Variants in STT3A observed in about 807,000 individuals in gnomAD.
The protein encoded by STT3A is dolichyl-diphosphooligosaccharide--protein glycosyltransferase subunit STT3A.
In STT3A, 34 loss-of-function variants were observed where a neutral mutation model predicts 89.2. The observed-to-expected ratio is 0.38, with a 90% CI of 0.29 to 0.51. The LOEUF (loss-of-function observed/expected upper bound fraction) is 0.51. Ranked by LOEUF, STT3A falls within the 20% of genes least tolerant of loss-of-function variation. STT3A has a pLI of 0.89. For synonymous variants in STT3A, 282 were observed against 310.3 expected, an observed-to-expected ratio of 0.91 and a Z score of 0.96; for missense variants, 555 against 889.5, an observed-to-expected ratio of 0.62 and a Z score of 4.78.
intron 5 of STT3A, chr11:125,603,447 G>A (rs933672879): frequency 6.5e-6 from 1 of 154,984 alleles, no homozygotes; most frequent in Admixed American, 6.4e-5. Context: ...TTGGCTCCCT[G>A]GGTGCTATTC....
intron 8 of STT3A, among the ~76,000 whole-genome samples, 194 bp downstream of exon 8, chr11:125,606,659 C>T (rs529214298): frequency 5.1e-4 from 77 of 152,262 alleles, no homozygotes; most frequent in Non-Finnish European, 1.0e-3. Flanking sequence ...ATATTTGCTC[C>T]GTGGAGTTTG....
chr11:125,592,570 A>C (rs1939333254), upstream of STT3A: 1 of 445,164 alleles, frequency 2.2e-6, no homozygotes, highest in East Asian at 7.0e-5. Flanking sequence ...CCGCAAACCG[A>C]CACGTCACTC....
chr11:125,612,787 G>A, intron 12 of STT3A, 40 bp downstream of exon 12: 2 of 1,602,844 alleles, frequency 1.2e-6, no homozygotes, highest in Non-Finnish European at 8.5e-7. Flanking sequence ...GAAACTCTGT[G>A]TGTGTGTGTG....
chr11:125,606,511 G>A, intron 8 of STT3A, 46 bp downstream of exon 8: 2 of 1,573,562 alleles, frequency 1.3e-6, no homozygotes, highest in Non-Finnish European at 8.6e-7. Context: ...CTTTTTCTAT[G>A]CAGCCCCAAC....
intron 15 of STT3A, among the ~76,000 whole-genome samples, chr11:125,618,060 A>G (rs1940231669): frequency 6.6e-6 from 1 of 152,322 alleles, no homozygotes; most frequent in Non-Finnish European, 1.5e-5. Context: ...TCAGCTGCTC[A>G]GCAGCTATAT....
At chr11:125,601,988 G>C (rs1431114772) in intron 3 of STT3A, among the ~76,000 whole-genome samples, 1 of 151,872 alleles carries the variant, frequency 6.6e-6, no homozygotes, top group Non-Finnish European at 1.5e-5. Context: ...TAGTAGAGAT[G>C]GGGTTTCAAC....
intron 11 of STT3A, 90 bp downstream of exon 11, chr11:125,611,609 T>C (rs899379238): frequency 8.5e-7 from 1 of 1,183,430 alleles, no homozygotes; most frequent in Non-Finnish European, 1.2e-6. Context: ...GTACTGATGA[T>C]TGTGCACATG....
intron 5 of STT3A, chr11:125,603,606 C>T (rs1939748586): frequency 6.5e-6 from 1 of 153,122 alleles, no homozygotes; most frequent in South Asian, 2.0e-4. Context: ...CAAGTCTTTA[C>T]TTTTTTGGAA....
rs931714554 is a variant in STT3A at position 125,613,939 on chromosome 11, T to A, written c.1555-148T>A. On this transcript the variant is annotated intron_variant, in intron 13 of 17. Coordinates refer to ENST00000392708, the MANE Select transcript of STT3A (RefSeq NM_152713.5). This position sits in a 1 kb window ranked among gnomAD's most constrained non-coding sequence, Gnocchi z 4.2. ...ATGGAAGACCAGGTGCCAGGATTTA[T>A]TTTCTGGTTTGACATGCATTACTTT... 1.2e-5 allele frequency: 8 copies of A among 678,242 alleles called. No homozygotes were observed. The African/African-American group carries it at 1.4e-4, about 12-fold the overall frequency. The allele number at this position is 678,242 out of a possible 1,614,324, so 42.0% of individuals were successfully genotyped here.
intron 10 of STT3A, 82 bp downstream of exon 10, chr11:125,609,671 GT>G (rs760504547): frequency 1.0e-5 from 16 of 1,529,622 alleles, no homozygotes; most frequent in Non-Finnish European, 1.4e-5. Context: ...CCTCATTCGT[GT>G]TTTGTTTTTC....
chr11:125,607,965 C>A, intron 8 of STT3A, 144 bp from the exon 9 acceptor site: 1 of 748,020 alleles, frequency 1.3e-6, no homozygotes, highest in Non-Finnish European at 2.0e-6. Flanking sequence ...GAATTAAACC[C>A]TTCCCTAGAT....
Position 125,612,677 on chromosome 11 carries a change from A to G in STT3A, c.1295A>G (p.Asn432Ser). Residue 432 changes from asparagine to serine, a missense_variant, in exon 12 of 18, where the codon AAT becomes AGT. Around this residue, in one of 5 missense-constraint regions of STT3A, gnomAD observed 273 missense variants for 449.8 expected, o/e 0.61. Transcript: ENST00000392708. ...CAGGTGCTGTCCACATACATGAAGAATCTGGACATAAGTCGTCCAGACAAG... is the reference window on the plus strand; with the variant it reads ...CAGGTGCTGTCCACATACATGAAGAGTCTGGACATAAGTCGTCCAGACAAG... Reference protein sequence around the residue: ...VSQVLSTYMKNLDISRPDKKS... With the variant: ...VSQVLSTYMKSLDISRPDKKS... 6.2e-7 allele frequency: 1 copy of G among 1,614,232 alleles called. No individual in the cohort carries two copies. The highest frequency in any genetic ancestry group is 2.2e-5 in the East Asian group (1 of 44,886).
chr11:125,592,647 A>C (rs1939338645), upstream of STT3A: 1 of 371,154 alleles, frequency 2.7e-6, no homozygotes, highest in Non-Finnish European at 5.3e-6. Flanking sequence ...GCGCCGGCCT[A>C]TGACAGCTCG....
chr11:125,606,352 G>A lies in STT3A; in HGVS notation c.667G>A (p.Val223Ile), dbSNP rs773803028. The A allele has an allele frequency of 9.9e-6, 16 of 1,613,936 alleles. No individual in the cohort carries two copies. The highest frequency in any genetic ancestry group is 2.2e-5 in the East Asian group (1 of 44,886). Residue 223 changes from valine (V) to isoleucine (I), a missense_variant, in exon 8 of 18, where the codon GTC becomes ATC. Transcript: ENST00000392708. ...CCTGATCAACTTAATTCCTCTCCAC[G>A]TCCTCGTGCTGATGCTCACAGGCCG... is the stretch of plus-strand genomic sequence containing the variant. ...VFLINLIPLH[V>I]LVLMLTGRFS... is the part of the protein sequence containing the mutation.
chr11:125,618,013 A>G (rs1023178512), intron 15 of STT3A, among the ~76,000 whole-genome samples: 1 of 152,118 alleles, frequency 6.6e-6, no homozygotes, highest in Non-Finnish European at 1.5e-5. Flanking sequence ...TGTGTATTTT[A>G]TACTTACAGT....
intron 10 of STT3A, chr11:125,609,845 A>T: frequency 2.4e-6 from 1 of 413,870 alleles, no homozygotes; most frequent in East Asian, 4.1e-5. Flanking sequence ...ATTTAACGGT[A>T]ATTTTTACTC....
chr11:125,622,004 C>T lies in STT3A; in HGVS notation c.*1194C>T, dbSNP rs12421948. On this transcript the variant is annotated 3_prime_UTR_variant, in exon 18 of 18. Coordinates refer to ENST00000392708, the MANE Select transcript of STT3A (RefSeq NM_152713.5). ...GAACTGTGATTGTGCCACTGTACTC[C>T]AGTCTGGGCGACAGTGAAATCTTGT... 0.13 allele frequency: 19,674 copies of T among 152,220 alleles called. 1,770 individuals are homozygous for T. Among genetic ancestry groups the T allele is most frequent in the Admixed American group, 0.29 (4,455 of 15,290 alleles). The allele number at this position is 152,220 out of a possible 1,614,324, so 9.4% of individuals were successfully genotyped here.
At chr11:125,611,030 A>G (rs1394546944) in intron 10 of STT3A, 2 of 153,758 alleles carry the variant, frequency 1.3e-5, no homozygotes, top group East Asian at 1.9e-4. Flanking sequence ...TTCATAAAGA[A>G]TCAAATTTCT....
intron 15 of STT3A, 120 bp from the exon 16 acceptor site, chr11:125,618,253 A>G: frequency 1.1e-6 from 1 of 900,986 alleles, no homozygotes; most frequent in Middle Eastern, 3.5e-4. Context: ...TTTACAAATT[A>G]GAGTTAAATG....
Sources: allele counts gnomAD v4.1 joint callset (sites outside exome capture counted in the v4.1 genomes callset), GRCh38; gene constraint gnomAD v4.1.1; regional missense constraint gnomAD v4.1.1; non-coding constraint Gnocchi (gnomAD v3.1); transcripts MANE v1.5; gene names NCBI Gene and HGNC (gene_info 2026-07-23, HGNC 2026-07-21).